Variants in NFIB observed in about 807,000 individuals in gnomAD.
The protein encoded by NFIB is nuclear factor 1 B-type.
A neutral mutation model predicts 61.5 loss-of-function variants in NFIB; 11 were observed. That is an observed-to-expected ratio of 0.18 (90% CI 0.11 to 0.30). The LOEUF is 0.30. Among genes scored for constraint, NFIB ranks in the 10% least tolerant of loss-of-function variants. NFIB has a pLI of 1.00. For synonymous variants in NFIB, 260 were observed against 216.5 expected (o/e 1.20, Z -1.76); for missense variants, 471 against 608.9 (o/e 0.77, Z 2.38).
chr9:14,167,637 A>G (rs902274821), intron 3 of NFIB, among the ~76,000 whole-genome samples: 1 of 152,240 alleles, frequency 6.6e-6, no homozygotes, highest in Non-Finnish European at 1.5e-5. Flanking sequence ...TTAGCAAGTG[A>G]CCTATAAAGA....
At chr9:14,390,653 G>A (rs1371472335) in intron 1 of NFIB, among the ~76,000 whole-genome samples, 1 of 152,200 alleles carries the variant, frequency 6.6e-6, no homozygotes, top group Non-Finnish European at 1.5e-5. Context: ...AGGTTATTAG[G>A]TTATGAAAGT....
intron 2 of NFIB, among the ~76,000 whole-genome samples, chr9:14,241,177 T>C (rs1002219863): frequency 3.3e-5 from 5 of 152,228 alleles, no homozygotes; most frequent in Non-Finnish European, 7.3e-5. Flanking sequence ...GCCAGGTCTT[T>C]TGAATAATTC....
rs1003341141 is a variant in NFIB, at chr9:14,175,267, A to G, written c.616+4460T>C. Among the ~76,000 whole-genome samples the G allele has an allele frequency of 9.3e-5, 13 of 139,074 alleles. No homozygotes were observed. In the East Asian group the frequency reaches 1.9e-3, roughly 21 times the overall value. 91.2% of individuals were successfully genotyped at this position (139,074 alleles called of 152,430 possible). The stretch of plus-strand genomic sequence containing the variant: ...CGGCTAACTGCAAGCTCCGCCTCCC[A>G]GGTTCACGCCACTCTCCTGCCTCAG... On this transcript the variant is annotated intron_variant, in intron 3 of 10. Transcript: ENST00000380953.
At chr9:14,286,363 C>A (rs1328464448) in intron 2 of NFIB, among the ~76,000 whole-genome samples, 3 of 152,134 alleles carry the variant, frequency 2.0e-5, no homozygotes, top group Non-Finnish European at 4.4e-5. Flanking sequence ...ACATTTCCAA[C>A]CTCCTGCAAA....
intron 4 of NFIB, among the ~76,000 whole-genome samples, chr9:14,150,596 G>A (rs1039394373): frequency 6.6e-6 from 1 of 152,022 alleles, no homozygotes; most frequent in African/African-American, 2.4e-5. Flanking sequence ...GGAGGAAACA[G>A]AATATACGAG....
At chr9:14,169,325 C>A (rs73642101) in intron 3 of NFIB, among the ~76,000 whole-genome samples, 2,502 of 151,980 alleles carry the variant, frequency 0.016, 78 homozygotes, top group African/African-American at 0.057. Context: ...TAGAGCACTG[C>A]GCAAGGGGAA....
chr9:14,489,208 T>C, the NFIB span, among the ~76,000 whole-genome samples: 1 of 152,190 alleles, frequency 6.6e-6, no homozygotes, highest in Non-Finnish European at 1.5e-5. Context: ...TGAAAAGGGT[T>C]ATAAGCAAAA....
chr9:14,102,585 A>G, intron 10 of NFIB: 1 of 1,149,960 alleles, frequency 8.7e-7, no homozygotes, highest in Non-Finnish European at 1.3e-6. Flanking sequence ...GAACACATGC[A>G]AACTAGTACT....
chr9:14,347,921 C>G (rs1380140358), intron 1 of NFIB, among the ~76,000 whole-genome samples: 1 of 152,174 alleles, frequency 6.6e-6, no homozygotes, highest in Non-Finnish European at 1.5e-5. Flanking sequence ...TGGAGCGACG[C>G]GCGTAGTTTC....
At position 14,146,756 on chromosome 9, in the gene NFIB, T is replaced by C; in HGVS notation, c.858A>G (p.Thr286=). 6.2e-7 allele frequency: 1 copy of C among 1,607,728 alleles called. No individual in the cohort carries two copies. The highest frequency in any genetic ancestry group is 8.5e-7 in the Non-Finnish European group (1 of 1,178,462). ...SIDENMEPSP[T]GDFYPSPSSP... ...AACTTGGAGAGGGGTAAAAGTCTCC[T>C]GTAGGACTTGGTTCCATATTTTCAT... Residue 286 remains threonine, a synonymous_variant, in exon 6 of 11, where the codon ACA becomes ACG. Coordinates refer to ENST00000380953, the MANE Select transcript of NFIB (RefSeq NM_001190737.2).
At chr9:14,278,839 A>C (rs2058179552) in intron 2 of NFIB, among the ~76,000 whole-genome samples, 1 of 152,158 alleles carries the variant, frequency 6.6e-6, no homozygotes. Flanking sequence ...CAGCAGTAGA[A>C]CTTCACGCTA....
chr9:14,311,156 A>T (rs1215798864), intron 1 of NFIB, among the ~76,000 whole-genome samples: 1 of 152,144 alleles, frequency 6.6e-6, no homozygotes, highest in Non-Finnish European at 1.5e-5. Flanking sequence ...ATTTTGTAGC[A>T]TACTATTTTG....
At chr9:14,490,946 T>C in the NFIB span, among the ~76,000 whole-genome samples, 1 of 152,188 alleles carries the variant, frequency 6.6e-6, no homozygotes, top group East Asian at 1.9e-4. Flanking sequence ...GCAAGTCTAG[T>C]GGTAATAGCA....
intron 2 of NFIB, among the ~76,000 whole-genome samples, chr9:14,210,669 A>G (rs578207360): frequency 6.6e-6 from 1 of 152,206 alleles, no homozygotes; most frequent in Admixed American, 6.5e-5. Context: ...CTGTCACTTT[A>G]TATGGCCAAA....
At chr9:14,264,693 C>A (rs1488749990) in intron 2 of NFIB, among the ~76,000 whole-genome samples, 1 of 151,704 alleles carries the variant, frequency 6.6e-6, no homozygotes, top group East Asian at 1.9e-4. Flanking sequence ...TTATTTTCAA[C>A]AGACTCTATT....
At chr9:14,406,903 A>G in the NFIB span, among the ~76,000 whole-genome samples, 1 of 152,162 alleles carries the variant, frequency 6.6e-6, no homozygotes, top group Non-Finnish European at 1.5e-5. Flanking sequence ...TCCCTCAAAC[A>G]CCAATTGAAC....
intron 10 of NFIB, chr9:14,102,548 C>T: frequency 6.6e-7 from 1 of 1,507,096 alleles, no homozygotes; most frequent in Non-Finnish European, 9.0e-7. Flanking sequence ...ATGGATCGAG[C>T]AGTACTACAG....
chr9:14,361,716 T>C (rs1222948214), intron 1 of NFIB: 1 of 152,142 alleles, frequency 6.6e-6, no homozygotes, highest in African/African-American at 2.4e-5. Context: ...AAAGAAAACA[T>C]GAAAAAATGA....
At chr9:14,141,461 C>T (rs540703054) in intron 6 of NFIB, among the ~76,000 whole-genome samples, 2 of 152,208 alleles carry the variant, frequency 1.3e-5, no homozygotes, top group East Asian at 1.9e-4. Flanking sequence ...TACGGCTCAT[C>T]GTCCTTAAAA....
Sources: allele counts gnomAD v4.1 joint callset (sites outside exome capture counted in the v4.1 genomes callset), GRCh38; gene constraint gnomAD v4.1.1; transcripts MANE v1.5; gene names NCBI Gene and HGNC (gene_info 2026-07-23, HGNC 2026-07-21).